The following BOLL variants were observed in gnomAD, a reference collection of about 807,000 sequenced individuals.
BOLL encodes the protein boule RNA binding protein, also known as protein boule-like.
BOLL carries 23 observed loss-of-function variants against 44.4 expected under a neutral mutation model. That is an observed-to-expected ratio of 0.52 (90% CI 0.37 to 0.73). BOLL has a LOEUF of 0.73. Among genes scored for constraint, BOLL ranks in the 30% least tolerant of loss-of-function variants. BOLL has a pLI of 0.00. For synonymous variants in BOLL, 97 were observed against 110.8 expected, an observed-to-expected ratio of 0.88 and a Z score of 0.78; for missense variants, 287 against 338.3, an observed-to-expected ratio of 0.85 and a Z score of 1.19.
chr2:197,734,070 A>G (rs1367608831), intron 10 of BOLL, among the ~76,000 whole-genome samples: 4 of 151,496 alleles, frequency 2.6e-5, no homozygotes, highest in Non-Finnish European at 5.9e-5. Context: ...TCATCTGACA[A>G]AGGGCTAATA....
intron 5 of BOLL, among the ~76,000 whole-genome samples, chr2:197,775,191 T>C (rs1024635154): frequency 2.0e-5 from 3 of 151,832 alleles, no homozygotes; most frequent in Admixed American, 6.6e-5. Context: ...CCTAAAGCTT[T>C]AGGGATTGTC....
intron 10 of BOLL, among the ~76,000 whole-genome samples, chr2:197,742,585 G>A (rs1687797161): frequency 1.3e-5 from 2 of 151,582 alleles, no homozygotes; most frequent in African/African-American, 4.8e-5. Context: ...AACACCGCAT[G>A]TTCTCACTCA....
At chr2:197,782,957 G>A (rs529851689) in intron 1 of BOLL, among the ~76,000 whole-genome samples, 16 of 151,874 alleles carry the variant, frequency 1.1e-4, no homozygotes, top group Non-Finnish European at 2.4e-4. Context: ...ATATATAAAT[G>A]TATAAGCCTT....
chr2:197,751,955 G>A (rs1042736056), intron 9 of BOLL, among the ~76,000 whole-genome samples: 5 of 152,054 alleles, frequency 3.3e-5, no homozygotes, highest in East Asian at 3.9e-4. Context: ...ATTCAGCACC[G>A]TCAAGTTGGC....
chr2:197,742,984 T>G (rs889275570), intron 10 of BOLL, 77 bp downstream of exon 10: 2 of 1,178,570 alleles, frequency 1.7e-6, no homozygotes, highest in African/African-American at 3.1e-5. Flanking sequence ...AAATTGTTCC[T>G]TTCTAGAAGA....
chr2:197,759,527 G>C (rs1260876131), intron 7 of BOLL, among the ~76,000 whole-genome samples: 1 of 152,162 alleles, frequency 6.6e-6, no homozygotes, highest in Non-Finnish European at 1.5e-5. Flanking sequence ...TCATCTCTAG[G>C]GGGCCAGTAG....
At chr2:197,732,187 C>T (rs867555491) in intron 10 of BOLL, among the ~76,000 whole-genome samples, 30 of 151,330 alleles carry the variant, frequency 2.0e-4, no homozygotes, top group Middle Eastern at 3.4e-3. Flanking sequence ...AACACCTCTA[C>T]GCAAATAAAC....
At chr2:197,751,572 A>T (rs1164531968) in intron 9 of BOLL, among the ~76,000 whole-genome samples, 1 of 152,184 alleles carries the variant, frequency 6.6e-6, no homozygotes, top group Admixed American at 6.5e-5. Context: ...CTGGACATAT[A>T]CACCCTCCCA....
In BOLL at chr2:197,728,327, A is replaced by G. The variant is rs1686942690; in HGVS notation, c.*228T>C. The G allele has an allele frequency of 1.6e-6, 1 of 626,548 alleles. No individual in the cohort carries two copies. The highest frequency in any genetic ancestry group is 2.8e-6 in the Non-Finnish European group (1 of 362,660). 38.8% of individuals were successfully genotyped at this position (626,548 alleles called of 1,614,324 possible). ...TCATTACAGTTAGGTTAGCACATAA[A>G]AAACCAACATGCCACATCTACCTAA... On this transcript the variant is annotated 3_prime_UTR_variant, in exon 11 of 11. Coordinates refer to ENST00000392296, the MANE Select transcript of BOLL (RefSeq NM_033030.6).
At chr2:197,773,245 GATAATGGTTCATTATTCA>G (rs1404017792) in intron 5 of BOLL, among the ~76,000 whole-genome samples, 80 of 151,792 alleles carry the variant, frequency 5.3e-4, no homozygotes, top group South Asian at 2.3e-3. Context: ...CAAAGATAAT[GATAATGGTTCATTATTCA>G]ATAATGGTTC....
chr2:197,732,683 C>T (rs1687254511), intron 10 of BOLL, among the ~76,000 whole-genome samples: 1 of 150,266 alleles, frequency 6.7e-6, no homozygotes, highest in African/African-American at 2.4e-5. Flanking sequence ...TGTAATCCAG[C>T]ATATAAACAG....
chr2:197,743,787 C>T (rs700646), intron 9 of BOLL, among the ~76,000 whole-genome samples: 109,905 of 151,958 alleles, frequency 0.72, 40,866 homozygotes, highest in African/African-American at 0.9. Context: ...ACAATCAATA[C>T]AAACATTACC....
At position 197,743,049 on chromosome 2, in the gene BOLL, C is replaced by A. The variant is rs73990704; in HGVS notation, c.828+12G>T. ...AGAAAAACAAAGTAAAAAGTCAAAACAAATTTCTTACTTTAATTGGCTCAG... is the reference window on the plus strand; with the variant it reads ...AGAAAAACAAAGTAAAAAGTCAAAAAAAATTTCTTACTTTAATTGGCTCAG... On this transcript the variant is annotated intron_variant, in intron 10 of 10. Transcript: ENST00000392296. 3.5e-3 allele frequency: 5,372 copies of A among 1,543,192 alleles called. 159 individuals are homozygous for A. The African/African-American group carries it at 0.067, about 19-fold the overall frequency.
intron 7 of BOLL, among the ~76,000 whole-genome samples, chr2:197,760,513 G>A (rs771013): frequency 0.49 from 75,239 of 152,030 alleles, 19,277 homozygotes; most frequent in African/African-American, 0.6. Context: ...CTGCATGCCT[G>A]TGCTCTCAGC....
intron 7 of BOLL, chr2:197,758,833 T>G (rs958935037): frequency 6.7e-6 from 5 of 751,548 alleles, no homozygotes; most frequent in Non-Finnish European, 8.3e-6. Flanking sequence ...GAAACTGACA[T>G]ATGTTAACAT....
chr2:197,751,728 T>C (rs1688262804), intron 9 of BOLL, among the ~76,000 whole-genome samples: 1 of 152,044 alleles, frequency 6.6e-6, no homozygotes, highest in African/African-American at 2.4e-5. Flanking sequence ...AAAGAGGAGC[T>C]AGTACCATTC....
intron 10 of BOLL, among the ~76,000 whole-genome samples, chr2:197,739,713 G>A (rs1353171772): frequency 2.6e-5 from 4 of 152,086 alleles, no homozygotes; most frequent in Non-Finnish European, 5.9e-5. Context: ...ACAGATCTAA[G>A]AACATTTAGA....
At chr2:197,785,870 GA>G, upstream of BOLL, 1 of 917,444 alleles carries the variant, frequency 1.1e-6, no homozygotes, top group East Asian at 2.6e-5. The surrounding 1 kb of genome is among the most constrained non-coding windows in gnomAD (Gnocchi z 6.7). Flanking sequence ...TTCCCAACCA[GA>G]TAGCGAGCGT....
At chr2:197,747,159 G>C (rs1036717219) in intron 9 of BOLL, among the ~76,000 whole-genome samples, 5 of 152,116 alleles carry the variant, frequency 3.3e-5, no homozygotes, top group Admixed American at 1.3e-4. Context: ...GGATTAGCTT[G>C]ATTGGGGTAA....
Sources: allele counts gnomAD v4.1 joint callset (sites outside exome capture counted in the v4.1 genomes callset), GRCh38; gene constraint gnomAD v4.1.1; non-coding constraint Gnocchi (gnomAD v3.1); transcripts MANE v1.5; gene names NCBI Gene and HGNC (gene_info 2026-07-23, HGNC 2026-07-21).